The following EYS variants were observed in gnomAD, a reference collection of about 807,000 sequenced individuals.
EYS encodes protein eyes shut homolog.
A neutral mutation model predicts 282.1 loss-of-function variants in EYS; 250 were observed. That is an observed-to-expected ratio of 0.89 (90% CI 0.80 to 0.98). The LOEUF (loss-of-function observed/expected upper bound fraction) is 0.98. EYS is among the 50% of genes least tolerant of loss of function. EYS has a pLI of 0.00. For missense variants in EYS, 4,016 were observed against 3,709.0 expected, an observed-to-expected ratio of 1.08 and a Z score of -2.15; for synonymous variants, 1,355 against 1,282.9, an observed-to-expected ratio of 1.06 and a Z score of -1.20.
At chr6:64,314,963 C>CA (rs1693662595) in intron 29 of EYS, among the ~76,000 whole-genome samples, 1 of 151,686 alleles carries the variant, frequency 6.6e-6, no homozygotes, top group Admixed American at 6.6e-5. Context: ...AAAAACCCTT[C>CA]AAAAAAATCA....
intron 39 of EYS, among the ~76,000 whole-genome samples, chr6:63,782,730 G>GT (rs1770264358): frequency 6.6e-6 from 1 of 151,930 alleles, no homozygotes; most frequent in Non-Finnish European, 1.5e-5. Context: ...TTTTGAAGGG[G>GT]TTTTTGTGTC....
chr6:64,317,594 G>T (rs1770025437), intron 29 of EYS, among the ~76,000 whole-genome samples: 1 of 152,134 alleles, frequency 6.6e-6, no homozygotes, highest in South Asian at 2.1e-4. Flanking sequence ...GTGTACATTA[G>T]TTCAACCATT....
intron 13 of EYS, among the ~76,000 whole-genome samples, chr6:65,040,678 C>A (rs1772907010): frequency 6.6e-6 from 1 of 151,676 alleles, no homozygotes; most frequent in South Asian, 2.1e-4. Context: ...TAGGCTTTGC[C>A]AAATGTCTCC....
At chr6:65,274,908 AGGAGAGAG>A (rs934890274) in intron 12 of EYS, among the ~76,000 whole-genome samples, 1 of 39,098 alleles carries the variant, frequency 2.6e-5, no homozygotes, top group African/African-American at 1.3e-4. Flanking sequence ...CCAAAAAAAA[AGGAGAGAG>A]AGAGAGAGAG....
At chr6:65,271,505 C>A (rs143103116) in intron 12 of EYS, among the ~76,000 whole-genome samples, 7 of 152,064 alleles carry the variant, frequency 4.6e-5, no homozygotes, top group Non-Finnish European at 8.8e-5. Context: ...CCAGAAACAT[C>A]CTTAAAGACA....
intron 33 of EYS, among the ~76,000 whole-genome samples, chr6:64,021,816 G>T (rs1279985323): frequency 1.3e-5 from 2 of 151,976 alleles, no homozygotes; most frequent in African/African-American, 2.4e-5. Flanking sequence ...TTACCTAAAA[G>T]TTCTCTAGGC....
intron 12 of EYS, among the ~76,000 whole-genome samples, chr6:65,183,044 G>A (rs1411475359): frequency 6.6e-6 from 1 of 151,902 alleles, no homozygotes; most frequent in Non-Finnish European, 1.5e-5. Context: ...TCCTGCTGTG[G>A]CCTTGAAAAC....
chr6:63,771,621 T>C (rs1769927646), intron 40 of EYS, among the ~76,000 whole-genome samples: 1 of 152,172 alleles, frequency 6.6e-6, no homozygotes, highest in African/African-American at 2.4e-5. Context: ...TCACAATTTA[T>C]GTAGATGTCA....
chr6:65,282,357 C>T (rs7753596), intron 12 of EYS, among the ~76,000 whole-genome samples: 151,482 of 152,094 alleles, frequency 1, 75,437 homozygotes, highest in Non-Finnish European at 1. Flanking sequence ...ATAAAAAGTA[C>T]CGATTTACAA....
At chr6:64,224,555 A>T (rs1017206766) in intron 31 of EYS, among the ~76,000 whole-genome samples, 1 of 152,080 alleles carries the variant, frequency 6.6e-6, no homozygotes, top group African/African-American at 2.4e-5. Context: ...GTATTTGTTC[A>T]TTCTGGTTTC....
At chr6:64,349,786 A>G (rs1771551498) in intron 29 of EYS, among the ~76,000 whole-genome samples, 1 of 151,526 alleles carries the variant, frequency 6.6e-6, no homozygotes, top group East Asian at 1.9e-4. Flanking sequence ...TTATTCAATA[A>G]CAATATTTAT....
At chr6:64,701,521 T>C (rs1770790385) in intron 22 of EYS, among the ~76,000 whole-genome samples, 1 of 152,074 alleles carries the variant, frequency 6.6e-6, no homozygotes, top group Admixed American at 6.6e-5. Context: ...GCAGCACTAT[T>C]CACATGCCTT....
chr6:64,689,258 T>C (rs1279773450), intron 22 of EYS, among the ~76,000 whole-genome samples: 2 of 152,096 alleles, frequency 1.3e-5, no homozygotes, highest in Admixed American at 6.5e-5. Flanking sequence ...GGAATCCAAC[T>C]TGCAAGGGAT....
intron 15 of EYS, 24 bp downstream of exon 15, chr6:64,945,769 G>GT (rs1769266098): frequency 6.5e-7 from 1 of 1,545,232 alleles, no homozygotes; most frequent in Admixed American, 2.0e-5. Flanking sequence ...ATTTCATGAA[G>GT]AAAGCTAAAA....
chr6:64,430,331 T>C (rs1389878498), intron 28 of EYS, among the ~76,000 whole-genome samples: 2 of 152,320 alleles, frequency 1.3e-5, no homozygotes, highest in East Asian at 1.9e-4. Flanking sequence ...TTTTCATTCC[T>C]AGGCATTATG....
At chr6:64,576,868 T>A (rs1765897834) in intron 26 of EYS, among the ~76,000 whole-genome samples, 1 of 152,124 alleles carries the variant, frequency 6.6e-6, no homozygotes, top group Non-Finnish European at 1.5e-5. Context: ...CATGTTAAAG[T>A]CTCAACTTCC....
intron 14 of EYS, among the ~76,000 whole-genome samples, chr6:64,961,168 T>C (rs1769902681): frequency 6.6e-6 from 1 of 152,124 alleles, no homozygotes; most frequent in Non-Finnish European, 1.5e-5. Context: ...GGTATATACC[T>C]AGGAATGGGA....
intron 14 of EYS, among the ~76,000 whole-genome samples, chr6:64,959,463 C>A (rs527723029): frequency 6.6e-6 from 1 of 152,164 alleles, no homozygotes; most frequent in East Asian, 1.9e-4. Flanking sequence ...TCCACAGATA[C>A]CATAAATATT....
intron 12 of EYS, among the ~76,000 whole-genome samples, chr6:65,183,362 A>C (rs960970919): frequency 6.6e-5 from 10 of 152,050 alleles, no homozygotes; most frequent in African/African-American, 2.4e-4. Flanking sequence ...AGGGTGATAC[A>C]CCACAAATTT....
Sources: allele counts gnomAD v4.1 joint callset (sites outside exome capture counted in the v4.1 genomes callset), GRCh38; gene constraint gnomAD v4.1.1; transcripts MANE v1.5; gene names NCBI Gene and HGNC (gene_info 2026-07-23, HGNC 2026-07-21).